CSMD3: variants seen among roughly 807,000 people sequenced by gnomAD.
CSMD3 encodes the protein CUB and Sushi multiple domains 3.
CSMD3 carries 177 observed loss-of-function variants against 435.2 expected under a neutral mutation model. The ratio of observed to expected loss-of-function variants is 0.41; its 90% CI spans 0.36 to 0.46. CSMD3 has a LOEUF of 0.46. CSMD3 is among the 20% of genes least tolerant of loss of function. The pLI is 0.34. For synonymous variants in CSMD3, 1,656 were observed against 1,520.5 expected (o/e 1.09, Z -2.07); for missense variants, 4,265 against 4,504.6 (o/e 0.95, Z 1.52).
intron 1 of CSMD3, among the ~76,000 whole-genome samples, chr8:113,325,965 T>C (rs1323751852): frequency 6.6e-6 from 1 of 152,226 alleles, no homozygotes; most frequent in African/African-American, 2.4e-5. Flanking sequence ...TTTCTCTATA[T>C]AGCAAATCCA....
intron 42 of CSMD3, among the ~76,000 whole-genome samples, chr8:112,338,272 T>C (rs1824768665): frequency 6.6e-6 from 1 of 152,102 alleles, no homozygotes; most frequent in African/African-American, 2.4e-5. Context: ...ATGAACTTTG[T>C]ACTTCAGTTA....
chr8:112,618,268 G>A (rs1159806857), intron 22 of CSMD3, among the ~76,000 whole-genome samples: 1 of 151,992 alleles, frequency 6.6e-6, no homozygotes, highest in Non-Finnish European at 1.5e-5. Flanking sequence ...AATTCTTGAA[G>A]CTCTTAAGTT....
intron 31 of CSMD3, among the ~76,000 whole-genome samples, chr8:112,481,459 A>T (rs1355836962): frequency 6.6e-6 from 1 of 152,186 alleles, no homozygotes; most frequent in Non-Finnish European, 1.5e-5. Flanking sequence ...TAAATTATTC[A>T]CAGAAAGCAA....
intron 6 of CSMD3, among the ~76,000 whole-genome samples, chr8:113,017,092 G>A (rs1432334141): frequency 6.6e-6 from 1 of 151,848 alleles, no homozygotes; most frequent in Admixed American, 6.6e-5. Context: ...CATTTCCTCT[G>A]TTATATCGAT....
rs2131234475 is a variant in CSMD3, at chr8:112,380,387, C to T, written c.6101G>A (p.Ser2034Asn). The change falls in exon 38 of 71, where the codon AGT becomes AAT. Residue 2034 changes from serine to asparagine, a missense_variant. Physicochemically the swap from Ser to Asn is conservative, Grantham distance 46. This residue lies in a region of CSMD3 where 3,255 missense variants were observed against 3,380.2 expected (regional missense o/e 0.96). Transcript: ENST00000297405. ...NLYLNFQSDI[S>N]VSAAGFHLEY... ...AAGATGAAATCCTGCAGCAGAAACA[C>T]TGATGTCTGATTGAAAATTTAGATA... 1.3e-6 allele frequency: 2 copies of T among 1,599,600 alleles called. No homozygotes were observed. The highest frequency in any genetic ancestry group is 2.2e-5 in the East Asian group (1 of 44,618).
chr8:113,090,360 A>G (rs541563514), intron 5 of CSMD3, among the ~76,000 whole-genome samples: 3 of 151,406 alleles, frequency 2.0e-5, no homozygotes, highest in Admixed American at 2.0e-4. Context: ...TTAAGATGAA[A>G]AAATTTGAAA....
chr8:112,282,623 C>A (rs1016956213), intron 58 of CSMD3, among the ~76,000 whole-genome samples: 3 of 152,040 alleles, frequency 2.0e-5, no homozygotes, highest in Non-Finnish European at 4.4e-5. Flanking sequence ...ATGGCCAAAT[C>A]GTACTGTTGT....
chr8:112,281,782 A>AT (rs1216562180), intron 58 of CSMD3, among the ~76,000 whole-genome samples: 6 of 152,194 alleles, frequency 3.9e-5, no homozygotes, highest in Non-Finnish European at 1.5e-5. Context: ...CAGATACACA[A>AT]TTTTAATATT....
chr8:113,025,597 A>G (rs2086847124), intron 5 of CSMD3, among the ~76,000 whole-genome samples: 1 of 152,136 alleles, frequency 6.6e-6, no homozygotes, highest in African/African-American at 2.4e-5. Context: ...TTGCAGTGGG[A>G]CCACCACAAG....
At chr8:112,396,260 T>C (rs1830853284) in intron 35 of CSMD3, among the ~76,000 whole-genome samples, 3 of 152,192 alleles carry the variant, frequency 2.0e-5, no homozygotes, top group Admixed American at 2.0e-4. Flanking sequence ...TTCAATTGGA[T>C]GCTGACTTGG....
rs1828205035 is a variant in CSMD3, at chr8:112,370,032, A to AGAGGAAGAAGAAGAAGAAGAAGAG, written c.6136+10319_6136+10320insCTCTTCTTCTTCTTCTTCTTCCTC. On this transcript the variant is annotated intron_variant, in intron 38 of 70. Transcript: ENST00000297405. ...AAGAGGAAGAAGAAGAGGAAGAAGAAGAAGAAGAAGAAGAAGAAGAAGAAG... is the reference window on the plus strand; with the variant it reads ...AAGAGGAAGAAGAAGAGGAAGAAGAAGAGGAAGAAGAAGAAGAAGAAGAGGAAGAAGAAGAAGAAGAAGAAGAAG... 8.5e-5 allele frequency among the ~76,000 whole-genome samples: 3 copies of AGAGGAAGAAGAAGAAGAAGAAGAG among 35,174 alleles called. No individual in the cohort carries two copies. In the East Asian group the frequency reaches 6.4e-3, roughly 75 times the overall value. The allele number at this position is 35,174 out of a possible 152,430, so 23.1% of individuals were successfully genotyped here.
At chr8:113,173,165 TATAA>T (rs2092295363) in intron 4 of CSMD3, among the ~76,000 whole-genome samples, 2 of 152,274 alleles carry the variant, frequency 1.3e-5, no homozygotes, top group South Asian at 2.1e-4. Flanking sequence ...TATGAAAGCA[TATAA>T]ATACACAATG....
chr8:113,399,225 A>T (rs1447957456), intron 1 of CSMD3, among the ~76,000 whole-genome samples: 2 of 150,870 alleles, frequency 1.3e-5, no homozygotes, highest in Admixed American at 1.3e-4. Flanking sequence ...CCCCATGTTT[A>T]TTGCTAAGAG....
At chr8:112,591,083 A>C (rs1018999328) in intron 22 of CSMD3, among the ~76,000 whole-genome samples, 28 of 152,122 alleles carry the variant, frequency 1.8e-4, no homozygotes, top group Admixed American at 1.7e-3. Context: ...TTTGGAGAAT[A>C]AGTACTTAGT....
At chr8:112,557,496 C>T (rs1038366427) in intron 24 of CSMD3, among the ~76,000 whole-genome samples, 1 of 152,064 alleles carries the variant, frequency 6.6e-6, no homozygotes, top group East Asian at 1.9e-4. Context: ...TCAGTGCCGT[C>T]CCCATGGCCG....
At chr8:112,328,842 G>A (rs1453366326) in intron 45 of CSMD3, among the ~76,000 whole-genome samples, 1 of 152,082 alleles carries the variant, frequency 6.6e-6, no homozygotes, top group Non-Finnish European at 1.5e-5. Context: ...ATGACTGTAA[G>A]TTTCCTGAGG....
chr8:112,610,327 C>G (rs4326405), intron 22 of CSMD3, among the ~76,000 whole-genome samples: 86,489 of 146,474 alleles, frequency 0.59, 25,257 homozygotes, highest in African/African-American at 0.68. Flanking sequence ...CTCAGTAAAG[C>G]TAAAATTAAA....
chr8:113,268,656 A>T (rs1378059720), intron 3 of CSMD3, among the ~76,000 whole-genome samples: 1 of 152,082 alleles, frequency 6.6e-6, no homozygotes, highest in Middle Eastern at 3.2e-3. Flanking sequence ...CCACAGTTTT[A>T]AAGTAAATGG....
chr8:112,792,795 A>G (rs1349598680), intron 13 of CSMD3, among the ~76,000 whole-genome samples: 1 of 152,136 alleles, frequency 6.6e-6, no homozygotes, highest in Admixed American at 6.6e-5. Context: ...AAAAATATGT[A>G]TCTTTTCTGA....
Sources: allele counts gnomAD v4.1 joint callset (sites outside exome capture counted in the v4.1 genomes callset), GRCh38; gene constraint gnomAD v4.1.1; regional missense constraint gnomAD v4.1.1; transcripts MANE v1.5; gene names NCBI Gene and HGNC (gene_info 2026-07-23, HGNC 2026-07-21).